Variants in OR7C1 observed in about 807,000 individuals in gnomAD.
OR7C1 encodes the protein olfactory receptor 7C1.
For synonymous variants in OR7C1, 152 were observed against 160.7 expected (o/e 0.95, Z 0.41); for missense variants, 324 against 383.3 (o/e 0.85, Z 1.29).
chr19:14,832,571 C>T (rs1254361191), intron 1 of OR7C1, among the ~76,000 whole-genome samples: 1 of 151,834 alleles, frequency 6.6e-6, no homozygotes, highest in African/African-American at 2.4e-5. Context: ...GGATTACAGT[C>T]ATGAGCCACA....
At chr19:14,822,371 G>GTTTTTTT (rs1452782683) in intron 1 of OR7C1, among the ~76,000 whole-genome samples, 2 of 89,008 alleles carry the variant, frequency 2.2e-5, no homozygotes, top group African/African-American at 8.6e-5. Context: ...CTTATCTCCT[G>GTTTTTTT]TCTTTTTTTT....
intron 1 of OR7C1, among the ~76,000 whole-genome samples, chr19:14,815,030 G>A (rs572996566): frequency 4.6e-5 from 7 of 152,312 alleles, no homozygotes; most frequent in African/African-American, 1.4e-4. Context: ...CCTGCCAAAT[G>A]GTTTTTATTT....
chr19:14,817,931 G>A (rs2044723041), intron 1 of OR7C1, among the ~76,000 whole-genome samples: 2 of 152,042 alleles, frequency 1.3e-5, no homozygotes, highest in Admixed American at 1.3e-4. Context: ...AGCAAAGTGA[G>A]GGCTTTTAAA....
At chr19:14,828,047 G>C (rs756772915) in intron 1 of OR7C1, 1 of 1,614,200 alleles carries the variant, frequency 6.2e-7, no homozygotes, top group South Asian at 1.1e-5. Flanking sequence ...CAAAGGACAG[G>C]TTGGAGAGGA....
chr19:14,822,989 C>T (rs901034909), intron 1 of OR7C1, among the ~76,000 whole-genome samples: 1 of 152,002 alleles, frequency 6.6e-6, no homozygotes, highest in Non-Finnish European at 1.5e-5. Context: ...GTTTTCTTTG[C>T]TGTGCAGAAG....
intron 1 of OR7C1, among the ~76,000 whole-genome samples, chr19:14,815,049 C>T (rs1828335292): frequency 6.6e-6 from 1 of 152,188 alleles, no homozygotes; most frequent in South Asian, 2.1e-4. Context: ...TTTTCTCTAG[C>T]AGCTAAACAA....
chr19:14,801,511 A>G (rs2044641755), intron 2 of OR7C1, among the ~76,000 whole-genome samples: 1 of 152,212 alleles, frequency 6.6e-6, no homozygotes, highest in Admixed American at 6.5e-5. Flanking sequence ...CTGCGTATTA[A>G]ATTAATGCGA....
chr19:14,817,312 C>T (rs1445985784), intron 1 of OR7C1, among the ~76,000 whole-genome samples: 2 of 152,108 alleles, frequency 1.3e-5, no homozygotes, highest in East Asian at 3.9e-4. Flanking sequence ...TTTCTTCAAC[C>T]AGTCTGTTGT....
chr19:14,821,499 A>C (rs1206433533), intron 1 of OR7C1: 1 of 152,230 alleles, frequency 6.6e-6, no homozygotes, highest in Non-Finnish European at 1.5e-5. Context: ...AAAAACAAAA[A>C]ACAAAAAACA....
chr19:14,818,721 T>C (rs1467535710), intron 1 of OR7C1, among the ~76,000 whole-genome samples: 4 of 152,238 alleles, frequency 2.6e-5, no homozygotes, highest in Non-Finnish European at 5.9e-5. Context: ...TTTGTATTTA[T>C]AGATGCGCTT....
At chr19:14,802,660 G>A (rs1276923110) in intron 2 of OR7C1, among the ~76,000 whole-genome samples, 6 of 152,248 alleles carry the variant, frequency 3.9e-5, no homozygotes, top group Admixed American at 3.9e-4. Flanking sequence ...ATCCACAAGT[G>A]TCTGGGGAAA....
chr19:14,808,345 T>G (rs1015609829), intron 2 of OR7C1, among the ~76,000 whole-genome samples: 2 of 151,944 alleles, frequency 1.3e-5, no homozygotes, highest in Non-Finnish European at 2.9e-5. Context: ...CTATTCACAA[T>G]AGCCAAGTCA....
chr19:14,829,203 T>C (rs576426858), intron 1 of OR7C1, among the ~76,000 whole-genome samples: 102 of 152,256 alleles, frequency 6.7e-4, no homozygotes, highest in African/African-American at 2.3e-3. Context: ...GGGATGTGCT[T>C]CTTTCTTGTT....
intron 1 of OR7C1, among the ~76,000 whole-genome samples, chr19:14,833,829 G>A (rs190886260): frequency 5.9e-5 from 9 of 152,334 alleles, no homozygotes; most frequent in Admixed American, 5.9e-4. Context: ...AGCGGGGATG[G>A]AGTGGGGAAC....
intron 1 of OR7C1, chr19:14,827,755 C>T (rs1043476392): frequency 6.2e-7 from 1 of 1,614,008 alleles, no homozygotes; most frequent in Non-Finnish European, 8.5e-7. Context: ...AGCCGTACTA[C>T]CATTAAGATT....
At chr19:14,821,567 A>G (rs1053528028) in intron 1 of OR7C1, 4 of 152,266 alleles carry the variant, frequency 2.6e-5, no homozygotes, top group Admixed American at 1.3e-4. Context: ...GTCTGAAAGT[A>G]AGAAATACCT....
intron 1 of OR7C1, among the ~76,000 whole-genome samples, chr19:14,822,591 C>A (rs2044746392): frequency 6.6e-6 from 1 of 151,928 alleles, no homozygotes. Flanking sequence ...ACCGTCTTGG[C>A]CAGGCTGGTC....
At chr19:14,799,234 C>G (rs772459616) in exon 5 of OR7C1, 1 of 1,614,122 alleles carries the variant, frequency 6.2e-7, no homozygotes, top group East Asian at 2.2e-5. Context: ...GGAGTCTCCC[C>G]AGGGCCCTCT....
chr19:14,818,523 C>G (rs1384087986), intron 1 of OR7C1, among the ~76,000 whole-genome samples: 1 of 152,176 alleles, frequency 6.6e-6, no homozygotes, highest in Non-Finnish European at 1.5e-5. Flanking sequence ...ACTTGTGAGG[C>G]TTAATCGATT....
Sources: allele counts gnomAD v4.1 joint callset (sites outside exome capture counted in the v4.1 genomes callset), GRCh38; gene constraint gnomAD v4.1.1; transcripts MANE v1.5; gene names NCBI Gene and HGNC (gene_info 2026-07-23, HGNC 2026-07-21).